Variants in ANKS1B observed in about 807,000 individuals in gnomAD.
ANKS1B encodes the protein ankyrin repeat and sterile alpha motif domain containing 1B.
In ANKS1B, 36 loss-of-function variants were observed where a neutral mutation model predicts 148.3. That is an observed-to-expected ratio of 0.24 (90% CI 0.19 to 0.32). The LOEUF is 0.32. ANKS1B is among the 10% of genes least tolerant of loss of function. The pLI, the probability that ANKS1B is intolerant of heterozygous loss-of-function variation, is 1.00. For synonymous variants in ANKS1B, 542 were observed against 560.8 expected (o/e 0.97, Z 0.47); for missense variants, 1,157 against 1,542.6 (o/e 0.75, Z 4.19).
At chr12:98,952,299 T>G (rs1417316891) in intron 17 of ANKS1B, among the ~76,000 whole-genome samples, 1 of 152,206 alleles carries the variant, frequency 6.6e-6, no homozygotes, top group Non-Finnish European at 1.5e-5. Flanking sequence ...AGCAGGCAGG[T>G]AACAAAACTG....
chr12:99,580,554 T>A (rs1198573255), intron 9 of ANKS1B, among the ~76,000 whole-genome samples: 1 of 151,960 alleles, frequency 6.6e-6, no homozygotes, highest in Non-Finnish European at 1.5e-5. Flanking sequence ...ATAAAAATGA[T>A]CTCATAGGGG....
intron 10 of ANKS1B, among the ~76,000 whole-genome samples, chr12:99,499,818 G>T (rs1477936603): frequency 6.6e-6 from 1 of 152,102 alleles, no homozygotes; most frequent in Non-Finnish European, 1.5e-5. Context: ...CACTCACTAA[G>T]CTTTGGAGTG....
At chr12:99,648,927 T>G in intron 9 of ANKS1B, 2 of 1,225,078 alleles carry the variant, frequency 1.6e-6, no homozygotes, top group Non-Finnish European at 2.2e-6. Flanking sequence ...TGAGCTTCCA[T>G]TTGGAGGCCA....
chr12:99,597,120 C>G (rs1245344735), intron 9 of ANKS1B, among the ~76,000 whole-genome samples: 1 of 151,910 alleles, frequency 6.6e-6, no homozygotes, highest in Non-Finnish European at 1.5e-5. Context: ...TTATTACAGT[C>G]ATTAAAATTA....
intron 11 of ANKS1B, among the ~76,000 whole-genome samples, chr12:99,430,098 C>A (rs567152395): frequency 6.7e-6 from 1 of 150,226 alleles, no homozygotes; most frequent in South Asian, 2.1e-4. Context: ...CATTGTGTTT[C>A]CAACTTCTCT....
At chr12:99,966,406 A>T (rs1046383201) in intron 1 of ANKS1B, among the ~76,000 whole-genome samples, 1 of 152,196 alleles carries the variant, frequency 6.6e-6, no homozygotes, top group Non-Finnish European at 1.5e-5. Flanking sequence ...TTTTAATTTT[A>T]AAAATAAAAA....
intron 12 of ANKS1B, among the ~76,000 whole-genome samples, chr12:99,337,861 A>T (rs544959270): frequency 1.3e-5 from 2 of 152,236 alleles, no homozygotes; most frequent in South Asian, 4.1e-4. Context: ...TTTACTTTCC[A>T]CTAACAAACA....
Position 98,871,393 on chromosome 12 carries a change from G to T in ANKS1B, c.2779-39257C>A, listed in dbSNP as rs141274381. ...TTCTACGATAGAAAAGTACATAAGA[G>T]TACAAAATATGAAATAAGCTTGATA... On this transcript the variant is annotated intron_variant, in intron 17 of 26. Transcript: ENST00000683438. Among the ~76,000 whole-genome samples the T allele has an allele frequency of 4.2e-4, 64 of 152,198 alleles. No homozygotes were observed. In the East Asian group the frequency reaches 0.012, roughly 28 times the overall value.
At chr12:99,726,051 C>T (rs762532903) in intron 8 of ANKS1B, among the ~76,000 whole-genome samples, 3 of 151,994 alleles carry the variant, frequency 2.0e-5, no homozygotes, top group Middle Eastern at 3.2e-3. Context: ...GATCTCAAAT[C>T]GACACCCTAA....
intron 8 of ANKS1B, among the ~76,000 whole-genome samples, chr12:99,668,548 C>G (rs1260569038): frequency 6.6e-6 from 1 of 151,752 alleles, no homozygotes; most frequent in Non-Finnish European, 1.5e-5. Context: ...ATTCTTGGTT[C>G]TTATTTGCAT....
At chr12:98,759,934 C>T (rs888242850) in intron 25 of ANKS1B, among the ~76,000 whole-genome samples, 3 of 151,956 alleles carry the variant, frequency 2.0e-5, no homozygotes, top group African/African-American at 7.3e-5. Context: ...GAGCCGAGGT[C>T]GCACCACTGC....
At chr12:98,994,354 G>A (rs1401626883) in intron 17 of ANKS1B, among the ~76,000 whole-genome samples, 3 of 152,186 alleles carry the variant, frequency 2.0e-5, no homozygotes, top group Non-Finnish European at 4.4e-5. Context: ...GGTGGCTCAT[G>A]CCTGTAATTC....
intron 9 of ANKS1B, among the ~76,000 whole-genome samples, chr12:99,516,185 T>C (rs564517896): frequency 3.9e-5 from 6 of 152,232 alleles, no homozygotes; most frequent in Non-Finnish European, 7.4e-5. Flanking sequence ...TTTTGTTGTG[T>C]TTGCCTGTGC....
At chr12:99,177,928 A>G (rs2078605215) in intron 14 of ANKS1B, among the ~76,000 whole-genome samples, 1 of 152,158 alleles carries the variant, frequency 6.6e-6, no homozygotes. Flanking sequence ...TCATTGTGAT[A>G]GATCTTTGTT....
intron 22 of ANKS1B, among the ~76,000 whole-genome samples, chr12:98,798,011 A>G (rs538349758): frequency 6.6e-6 from 1 of 152,342 alleles, no homozygotes; most frequent in South Asian, 2.1e-4. Context: ...AGCAAGAACA[A>G]GGGACACGTA....
chr12:99,227,441 C>A (rs1211560855), intron 14 of ANKS1B, among the ~76,000 whole-genome samples: 3 of 152,126 alleles, frequency 2.0e-5, no homozygotes, highest in African/African-American at 7.2e-5. Flanking sequence ...TCAGGTATTT[C>A]TTTATAGTAA....
intron 6 of ANKS1B, among the ~76,000 whole-genome samples, chr12:99,777,450 T>A (rs2063762497): frequency 6.6e-6 from 1 of 152,240 alleles, no homozygotes; most frequent in Non-Finnish European, 1.5e-5. Flanking sequence ...TCATCTTATA[T>A]AAACCAATGC....
At chr12:99,521,396 T>C (rs141692554) in intron 9 of ANKS1B, among the ~76,000 whole-genome samples, 123 of 152,286 alleles carry the variant, frequency 8.1e-4, no homozygotes, top group Middle Eastern at 3.4e-3. Flanking sequence ...CTTAGTGCCT[T>C]ACTGAGTTTA....
At chr12:99,392,930 A>G (rs563299834) in intron 12 of ANKS1B, among the ~76,000 whole-genome samples, 1 of 152,236 alleles carries the variant, frequency 6.6e-6, no homozygotes, top group African/African-American at 2.4e-5. Flanking sequence ...AAAATGTTCA[A>G]AACTGAGATT....
Sources: allele counts gnomAD v4.1 joint callset (sites outside exome capture counted in the v4.1 genomes callset), GRCh38; gene constraint gnomAD v4.1.1; transcripts MANE v1.5; gene names NCBI Gene and HGNC (gene_info 2026-07-23, HGNC 2026-07-21).